The following TBC1D4 variants were observed in gnomAD, a reference collection of about 807,000 sequenced individuals.
TBC1D4 encodes TBC (Tre-2, BUB2, CDC16) domain-containing protein.
Under a neutral mutation model 142.5 loss-of-function variants are expected in TBC1D4, and 121 were observed. The ratio of observed to expected loss-of-function variants is 0.85; its 90% confidence interval spans 0.73 to 0.99. TBC1D4 has a LOEUF of 0.99. TBC1D4 is among the 50% of genes least tolerant of loss of function. The probability of loss-of-function intolerance (pLI) is 0.00; values close to 1 mark genes in which losing one functional copy is unlikely to be tolerated. For synonymous variants in TBC1D4, 630 were observed against 628.2 expected (o/e 1.00, Z -0.04); for missense variants, 1,475 against 1,606.6 (o/e 0.92, Z 1.40).
intron 1 of TBC1D4, among the ~76,000 whole-genome samples, chr13:75,452,042 A>G (rs1887554863): frequency 6.6e-6 from 1 of 152,004 alleles, no homozygotes; most frequent in Non-Finnish European, 1.5e-5. Context: ...TATTTTGACT[A>G]GTATTGTGTT....
At chr13:75,367,005 T>G (rs1047420788) in intron 1 of TBC1D4, 3 of 984,642 alleles carry the variant, frequency 3.0e-6, no homozygotes, top group African/African-American at 1.7e-5. Flanking sequence ...AGCTCTAAGT[T>G]CTCTCTTTCT....
chr13:75,472,200 G>A (rs1025865977), intron 1 of TBC1D4, among the ~76,000 whole-genome samples: 4 of 151,770 alleles, frequency 2.6e-5, no homozygotes, highest in Admixed American at 6.6e-5. Context: ...TGAAGTGGTC[G>A]GATCATGAGG....
chr13:75,317,704 T>C (rs1397722826), intron 12 of TBC1D4, among the ~76,000 whole-genome samples: 1 of 152,210 alleles, frequency 6.6e-6, no homozygotes, highest in Admixed American at 6.5e-5. Context: ...GCATTACCTC[T>C]ATCAGAAATT....
chr13:75,438,532 C>T (rs1374905918), intron 1 of TBC1D4, among the ~76,000 whole-genome samples: 1 of 152,108 alleles, frequency 6.6e-6, no homozygotes, highest in East Asian at 1.9e-4. Context: ...GAAAGTCTAG[C>T]CAGCAAACCT....
intron 4 of TBC1D4, among the ~76,000 whole-genome samples, chr13:75,350,453 T>C (rs1001905767): frequency 6.6e-6 from 1 of 152,208 alleles, no homozygotes; most frequent in Admixed American, 6.5e-5. Context: ...ATCAGCAACC[T>C]TAAGGCTTAT....
chr13:75,384,207 G>A (rs545493148), intron 1 of TBC1D4, among the ~76,000 whole-genome samples: 1 of 152,270 alleles, frequency 6.6e-6, no homozygotes, highest in East Asian at 1.9e-4. Context: ...AGGCTGAGGC[G>A]GGCAGATCGC....
At chr13:75,347,627 A>T (rs1881255062) in intron 5 of TBC1D4, among the ~76,000 whole-genome samples, 1 of 152,188 alleles carries the variant, frequency 6.6e-6, no homozygotes, top group Admixed American at 6.5e-5. Flanking sequence ...AGCATGTATT[A>T]CTAAGCAGGA....
chr13:75,422,024 G>C (rs536513210), intron 1 of TBC1D4, among the ~76,000 whole-genome samples: 1 of 152,268 alleles, frequency 6.6e-6, no homozygotes, highest in African/African-American at 2.4e-5. Flanking sequence ...TAACTCCTGG[G>C]ATCAAGTGAT....
At chr13:75,301,577 G>T (rs527278346) in intron 16 of TBC1D4, among the ~76,000 whole-genome samples, 1 of 151,814 alleles carries the variant, frequency 6.6e-6, no homozygotes, top group Admixed American at 6.6e-5. Flanking sequence ...CCTGGGAGGC[G>T]GAGCTTGCAG....
intron 17 of TBC1D4, among the ~76,000 whole-genome samples, chr13:75,298,901 T>C (rs1876230447): frequency 6.6e-6 from 1 of 152,202 alleles, no homozygotes; most frequent in Non-Finnish European, 1.5e-5. Flanking sequence ...CATAACATGG[T>C]ATCTGCTATT....
chr13:75,406,989 A>C (rs1885376660), intron 1 of TBC1D4, among the ~76,000 whole-genome samples: 1 of 152,194 alleles, frequency 6.6e-6, no homozygotes, highest in Non-Finnish European at 1.5e-5. Flanking sequence ...TTAACATGAT[A>C]GTTATGTATC....
rs138694391 is a variant in TBC1D4 at position 75,337,192 on chromosome 13, A to C, written c.1612-152T>G. On this transcript the variant is annotated intron_variant, in intron 7 of 20. Coordinates refer to ENST00000377636, the MANE Select transcript of TBC1D4 (RefSeq NM_014832.5). ...ATAATTTAGGTCCCACACTGTGAAC[A>C]TAATGCTTATAAGGAAAGGGGTTTA... 5.1e-4 allele frequency: 348 copies of C among 677,022 alleles called. No homozygotes were observed. The African/African-American group carries it at 5.5e-3, about 11-fold the overall frequency. The allele number at this position is 677,022 out of a possible 1,614,324, so 41.9% of individuals were successfully genotyped here.
In TBC1D4 at chr13:75,481,592, A is replaced by G. The variant is rs748088148; in HGVS notation, c.176T>C (p.Met59Thr). 3 of 1,607,162 alleles carry G rather than the reference A, an allele frequency of 1.9e-6. No individual in the cohort carries two copies. Among genetic ancestry groups the G allele is most frequent in the African/African-American group, 1.3e-5 (1 of 74,588 alleles). ...CTGGCTGCGCCTGCGGATCTCGGCC[A>G]TGAGCCAGGGCAGCATAGGCAGCGT... ...RTTLPMLPWL[M>T]AEIRRRSQKP... Residue 59 changes from methionine to threonine, a missense_variant, in exon 1 of 21, where the codon ATG becomes ACG. Physicochemically the swap from Met to Thr is moderately conservative, Grantham distance 81. Transcript: ENST00000377636.
chr13:75,412,085 T>G (rs1238966082), intron 1 of TBC1D4, among the ~76,000 whole-genome samples: 2 of 152,200 alleles, frequency 1.3e-5, no homozygotes, highest in African/African-American at 4.8e-5. Context: ...AAGAGAATCC[T>G]GTAAATTATA....
intron 1 of TBC1D4, among the ~76,000 whole-genome samples, chr13:75,478,162 T>C (rs1888695218): frequency 6.6e-6 from 1 of 152,172 alleles, no homozygotes; most frequent in Non-Finnish European, 1.5e-5. Flanking sequence ...TGTGAGTAGA[T>C]ACTCTTGAAA....
At chr13:75,438,265 C>T (rs1012530591) in intron 1 of TBC1D4, among the ~76,000 whole-genome samples, 29 of 152,170 alleles carry the variant, frequency 1.9e-4, no homozygotes, top group Non-Finnish European at 8.8e-5. Context: ...AGCAAATAAG[C>T]ATCTCTATGC....
intron 4 of TBC1D4, among the ~76,000 whole-genome samples, chr13:75,350,627 T>C (rs1593773506): frequency 6.6e-6 from 1 of 152,228 alleles, no homozygotes; most frequent in Non-Finnish European, 1.5e-5. Flanking sequence ...AAAAGCTATT[T>C]GTGCAGATGT....
At chr13:75,410,091 G>C (rs554385823) in intron 1 of TBC1D4, among the ~76,000 whole-genome samples, 1 of 152,290 alleles carries the variant, frequency 6.6e-6, no homozygotes, top group Admixed American at 6.5e-5. Flanking sequence ...TCAGAGTATT[G>C]TTGTGAGGTT....
intron 1 of TBC1D4, among the ~76,000 whole-genome samples, chr13:75,389,084 A>C (rs966649274): frequency 6.6e-6 from 1 of 152,240 alleles, no homozygotes; most frequent in Non-Finnish European, 1.5e-5. Flanking sequence ...AGTGCTCACT[A>C]AAATAGTAGC....
Sources: gnomAD v4.1 joint callset for allele counts (sites outside exome capture counted in the v4.1 genomes callset) on GRCh38, gnomAD v4.1.1 for gene constraint, MANE v1.5 for transcripts, NCBI Gene and HGNC (gene_info 2026-07-23, HGNC 2026-07-21) for gene names.